ZFP82: variants seen among roughly 807,000 people sequenced by gnomAD.
ZFP82 encodes the protein zinc finger protein 82 homolog.
ZFP82 carries 30 observed loss-of-function variants against 54.0 expected under a neutral mutation model. The ratio of observed to expected loss-of-function variants is 0.56; its 90% CI spans 0.42 to 0.75. The LOEUF (loss-of-function observed/expected upper bound fraction) is 0.75. Among genes scored for constraint, ZFP82 ranks in the 30% least tolerant of loss-of-function variants. The pLI is 0.00. For synonymous variants in ZFP82, 194 were observed against 209.5 expected (o/e 0.93, Z 0.64); for missense variants, 500 against 636.8 (o/e 0.79, Z 2.31).
Position 36,392,972 on chromosome 19 carries a change from G to A in ZFP82, c.1368C>T (p.Gly456=). 2.5e-6 allele frequency: 4 copies of A among 1,613,986 alleles called. No homozygotes were observed. The highest frequency in any genetic ancestry group is 3.4e-6 in the Non-Finnish European group (4 of 1,179,990). Residue 456 remains glycine (G), a synonymous_variant, in exon 5 of 5, where the codon GGC becomes GGT. Coordinates refer to ENST00000392161, the MANE Select transcript of ZFP82 (RefSeq NM_133466.4). ...GEKPYKCKEC[G]KAFRLRQKLT... is the part of the protein sequence containing the mutation. ...GTTTTTGGCGCAATCTAAAGGCCTTGCCACATTCCTTACATTTATAAGGTT... is the reference window on the plus strand; with the variant it reads ...GTTTTTGGCGCAATCTAAAGGCCTTACCACATTCCTTACATTTATAAGGTT...
At chr19:36,411,143 G>A (rs371148938) in intron 1 of ZFP82, among the ~76,000 whole-genome samples, 8 of 151,492 alleles carry the variant, frequency 5.3e-5, no homozygotes, top group Non-Finnish European at 1.0e-4. Context: ...GCAGTGAGCC[G>A]AGATTGCGCC....
rs556266727 is a variant in ZFP82 at position 36,409,859 on chromosome 19, G to C, written c.-70C>G. On this transcript the variant is annotated 5_prime_UTR_variant, in exon 2 of 5. Transcript: ENST00000392161. ...TGCCAGGAGAAGCACCGAGTCCACA[G>C]AGGCTGATCTAGGGAGAGGAAAACA... 32 of 1,561,926 alleles carry C rather than the reference G, an allele frequency of 2.0e-5. No homozygotes were observed. The highest frequency in any genetic ancestry group is 1.7e-4 in the Middle Eastern group (1 of 5,958).
rs1194889930 is a variant in ZFP82 at position 36,389,931 on chromosome 19, T to C, written c.*2810A>G. On this transcript the variant is annotated 3_prime_UTR_variant, in exon 5 of 5. Transcript: ENST00000392161. Reference sequence around the variant, plus strand: ...CAATTCAATATTCCCCTGCCCTAACTAGACAATTACGAATCCCCCCTAGAT... The same window carrying C: ...CAATTCAATATTCCCCTGCCCTAACCAGACAATTACGAATCCCCCCTAGAT... Among the ~76,000 whole-genome samples, 1 of 152,126 alleles carries C rather than the reference T, an allele frequency of 6.6e-6. No individual in the cohort carries two copies. The highest frequency in any genetic ancestry group is 1.5e-5 in the Non-Finnish European group (1 of 68,034).
Position 36,393,156 on chromosome 19 carries a change from T to A in ZFP82, c.1184A>T (p.Glu395Val), listed in dbSNP as rs769400019. 5 of 1,613,912 alleles carry A rather than the reference T, an allele frequency of 3.1e-6. No homozygotes were observed. In the South Asian group the frequency reaches 5.5e-5, roughly 18 times the overall value. The change falls in exon 5 of 5, where the codon GAA becomes GTA. Residue 395 changes from glutamate to valine, a missense_variant. Coordinates refer to ENST00000392161, the MANE Select transcript of ZFP82 (RefSeq NM_133466.4). ...HRIHTGEKPY[E>V]CKECWKAFSR... ...AAAGGCTTTCCAGCATTCCTTACAT[T>A]CGTAAGGTTTTTCACCAGTATGAAT...
At chr19:36,405,559 T>C (rs1466072597) in intron 4 of ZFP82, 21 bp downstream of exon 4, 1 of 1,590,750 alleles carries the variant, frequency 6.3e-7, no homozygotes, top group South Asian at 1.1e-5. Context: ...GATGGCTTCT[T>C]CCTGCCCAAC....
At chr19:36,416,841 G>A (rs1004625798) in intron 1 of ZFP82, among the ~76,000 whole-genome samples, 2 of 151,622 alleles carry the variant, frequency 1.3e-5, no homozygotes, top group African/African-American at 4.8e-5. Context: ...GGGAGGCCGA[G>A]GCAGGCAGAT....
chr19:36,413,710 C>T (rs73608364), intron 1 of ZFP82, among the ~76,000 whole-genome samples: 4 of 151,894 alleles, frequency 2.6e-5, no homozygotes, highest in East Asian at 3.9e-4. Context: ...AGAATTTGGA[C>T]GCATTAATTT....
intron 4 of ZFP82, among the ~76,000 whole-genome samples, chr19:36,400,359 G>C (rs1210934983): frequency 6.6e-6 from 1 of 152,140 alleles, no homozygotes; most frequent in East Asian, 1.9e-4. Flanking sequence ...TTTGGTTCCA[G>C]GGAAGTCCTA....
rs753988527 is a variant in ZFP82 at position 36,408,037 on chromosome 19, T to C, written c.10-24A>G. On this transcript the variant is annotated intron_variant, in intron 2 of 4. Coordinates refer to ENST00000392161, the MANE Select transcript of ZFP82 (RefSeq NM_133466.4). ...CGCTGAAATGACAAACCACACATTA[T>C]AAATGAAATGGAAGAAAATGTATTT... 3.1e-6 allele frequency: 5 copies of C among 1,606,002 alleles called. No homozygotes were observed. The East Asian group carries it at 6.7e-5, about 22-fold the overall frequency.
intron 3 of ZFP82, among the ~76,000 whole-genome samples, chr19:36,407,234 G>A (rs556272119): frequency 5.3e-5 from 8 of 150,934 alleles, no homozygotes; most frequent in Non-Finnish European, 8.9e-5. Context: ...CCGCCACTAC[G>A]CCCGGCTAAT....
chr19:36,394,216 T>A, intron 4 of ZFP82, 106 bp from the exon 5 acceptor site: 1 of 1,022,974 alleles, frequency 9.8e-7, no homozygotes, highest in Non-Finnish European at 1.4e-6. Context: ...TAACCAAAAC[T>A]CTAAAATATT....
At chr19:36,414,193 C>T (rs187995171) in intron 1 of ZFP82, among the ~76,000 whole-genome samples, 113 of 152,162 alleles carry the variant, frequency 7.4e-4, no homozygotes, top group Non-Finnish European at 1.2e-3. Context: ...AGCCACCACA[C>T]TGGCTTCAAT....
rs188940854 is a variant in ZFP82 at position 36,391,020 on chromosome 19, G to A, written c.*1721C>T. 1,137 of 152,288 alleles carry A rather than the reference G, an allele frequency of 7.5e-3. 3 individuals are homozygous for A. The highest frequency in any genetic ancestry group is 0.011 in the Non-Finnish European group (722 of 68,120). 9.4% of individuals were successfully genotyped at this position (152,288 alleles called of 1,614,324 possible). On this transcript the variant is annotated 3_prime_UTR_variant, in exon 5 of 5. Transcript: ENST00000392161. The stretch of plus-strand genomic sequence containing the variant: ...CCTGACCTCACGATCCACCTGCCTC[G>A]GCCTCCCAAAGTGCTGGGATTACAG...
chr19:36,397,868 G>A (rs1038431263), intron 4 of ZFP82, among the ~76,000 whole-genome samples: 2 of 152,160 alleles, frequency 1.3e-5, no homozygotes, highest in African/African-American at 4.8e-5. Context: ...TTACAGGCAT[G>A]AGCAACCATA....
intron 1 of ZFP82, among the ~76,000 whole-genome samples, chr19:36,414,722 A>G (rs2032639644): frequency 6.6e-6 from 1 of 152,116 alleles, no homozygotes; most frequent in Non-Finnish European, 1.5e-5. Context: ...AAAGTAGAGC[A>G]AGGCCCCTGT....
chr19:36,416,914 A>T (rs2032681117), intron 1 of ZFP82, among the ~76,000 whole-genome samples: 1 of 149,534 alleles, frequency 6.7e-6, no homozygotes, highest in Non-Finnish European at 1.5e-5. Flanking sequence ...CTGTACTAAA[A>T]ATACAAAAAT....
At chr19:36,384,175 C>T (rs976810463), downstream of ZFP82, 1 of 151,912 alleles carries the variant, frequency 6.6e-6, no homozygotes, top group African/African-American at 2.4e-5. Flanking sequence ...TAAACACAGA[C>T]CTATTCAATA....
Position 36,393,191 on chromosome 19 carries a change from G to A in ZFP82, c.1149C>T (p.Leu383=), listed in dbSNP as rs913655129. The change falls in exon 5 of 5, where the codon CTC becomes CTT. Residue 383 remains leucine, a synonymous_variant. Coordinates refer to ENST00000392161, the MANE Select transcript of ZFP82 (RefSeq NM_133466.4). Reference sequence around the variant, plus strand: ...TTTCACCAGTATGAATTCTGTGATGGAGAATAAGATGATAACCACGGCTAA... The same window carrying A: ...TTTCACCAGTATGAATTCTGTGATGAAGAATAAGATGATAACCACGGCTAA... ...KTFSRGYHLI[L]HHRIHTGEKP... 2.9e-5 allele frequency: 46 copies of A among 1,613,072 alleles called. No homozygotes were observed. The Admixed American group carries it at 3.3e-4, about 12-fold the overall frequency.
At chr19:36,417,393 G>C (rs1193006171) in intron 1 of ZFP82, among the ~76,000 whole-genome samples, 2 of 152,210 alleles carry the variant, frequency 1.3e-5, no homozygotes, top group East Asian at 3.9e-4. Context: ...AGGGGACCTA[G>C]GTATCAGCTC....
Sources: allele counts gnomAD v4.1 joint callset (sites outside exome capture counted in the v4.1 genomes callset), GRCh38; gene constraint gnomAD v4.1.1; transcripts MANE v1.5; gene names NCBI Gene and HGNC (gene_info 2026-07-23, HGNC 2026-07-21).